Variants in SMIM31 observed in about 807,000 individuals in gnomAD.
The protein encoded by SMIM31 is small integral membrane protein 31, also known as human epithelial cell program regulator.
intron 2 of SMIM31, among the ~76,000 whole-genome samples, chr4:164,799,991 C>A (rs1408824205): frequency 6.6e-6 from 1 of 152,148 alleles, no homozygotes; most frequent in Non-Finnish European, 1.5e-5. Flanking sequence ...CCCAACACAA[C>A]CCCTTTAAAA....
intron 1 of SMIM31, among the ~76,000 whole-genome samples, chr4:164,760,912 A>T (rs1732641227): frequency 6.6e-6 from 1 of 152,158 alleles, no homozygotes; most frequent in Admixed American, 6.5e-5. Flanking sequence ...GAGACAAAGA[A>T]GGAATTCTGT....
At chr4:164,788,650 C>T (rs1733061281) in intron 2 of SMIM31, among the ~76,000 whole-genome samples, 1 of 151,114 alleles carries the variant, frequency 6.6e-6, no homozygotes, top group Middle Eastern at 3.2e-3. Context: ...CCACCACGCC[C>T]GGCTAATTTT....
chr4:164,758,188 G>A (rs13104278), intron 1 of SMIM31, among the ~76,000 whole-genome samples: 17,006 of 151,752 alleles, frequency 0.11, 1,484 homozygotes, highest in East Asian at 0.41. Context: ...AATTATTGAG[G>A]CCAATATATA....
At chr4:164,787,721 A>T (rs372983169) in intron 2 of SMIM31, among the ~76,000 whole-genome samples, 25 of 152,226 alleles carry the variant, frequency 1.6e-4, no homozygotes, top group African/African-American at 3.8e-4. Context: ...CTTTGAAAAA[A>T]ATGTGTTTTA....
intron 1 of SMIM31, among the ~76,000 whole-genome samples, chr4:164,767,262 A>C (rs149938393): frequency 1.5e-3 from 227 of 152,314 alleles, no homozygotes; most frequent in African/African-American, 5.2e-3. Context: ...TCTGAATTTA[A>C]TCTGTTTCCT....
At chr4:164,794,807 AAAT>A (rs1304679127) in intron 2 of SMIM31, among the ~76,000 whole-genome samples, 4 of 151,784 alleles carry the variant, frequency 2.6e-5, no homozygotes, top group East Asian at 1.9e-4. Flanking sequence ...CCGTCTCAAA[AAAT>A]AATAATAATA....
At chr4:164,779,793 A>G (rs1732923720) in intron 2 of SMIM31, among the ~76,000 whole-genome samples, 1 of 152,242 alleles carries the variant, frequency 6.6e-6, no homozygotes, top group African/African-American at 2.4e-5. Context: ...AGGGATATAG[A>G]GGAATCAATA....
chr4:164,770,267 T>C (rs1362614932), intron 1 of SMIM31, among the ~76,000 whole-genome samples, 152 bp from the exon 2 acceptor site: 2 of 152,250 alleles, frequency 1.3e-5, no homozygotes, highest in African/African-American at 4.8e-5. Flanking sequence ...CAGTCCATTC[T>C]TGCCACTGCC....
intron 1 of SMIM31, among the ~76,000 whole-genome samples, chr4:164,755,878 T>C (rs956177320): frequency 3.3e-5 from 5 of 152,214 alleles, no homozygotes; most frequent in East Asian, 1.9e-4. Context: ...TAGAGAAAAA[T>C]TGAAATAATT....
At chr4:164,798,243 A>T (rs200186188) in intron 2 of SMIM31, among the ~76,000 whole-genome samples, 1,759 of 105,138 alleles carry the variant, frequency 0.017, 23 homozygotes, top group African/African-American at 0.054. Context: ...TTTTTTTTTT[A>T]TTTTTTTTGA....
intron 2 of SMIM31, among the ~76,000 whole-genome samples, chr4:164,778,853 T>C (rs1732911179): frequency 6.6e-6 from 1 of 152,148 alleles, no homozygotes; most frequent in African/African-American, 2.4e-5. Flanking sequence ...CATATCTAAA[T>C]TCAGGTATCC....
At chr4:164,763,469 T>G (rs1456069529) in intron 1 of SMIM31, among the ~76,000 whole-genome samples, 1 of 152,090 alleles carries the variant, frequency 6.6e-6, no homozygotes, top group Non-Finnish European at 1.5e-5. Context: ...CAAATAGAAA[T>G]TCAGGCTAAA....
intron 2 of SMIM31, among the ~76,000 whole-genome samples, chr4:164,798,538 G>C (rs1020056368): frequency 2.6e-5 from 4 of 152,066 alleles, no homozygotes; most frequent in African/African-American, 9.7e-5. Context: ...ACCACACCTG[G>C]CCTGATATAA....
At chr4:164,785,435 C>G (rs190982391) in intron 2 of SMIM31, among the ~76,000 whole-genome samples, 97 of 152,006 alleles carry the variant, frequency 6.4e-4, no homozygotes, top group Non-Finnish European at 7.5e-4. Flanking sequence ...ATTCAATCTC[C>G]TGCTCTATAT....
At chr4:164,780,710 A>T (rs2110944691) in intron 2 of SMIM31, among the ~76,000 whole-genome samples, 1 of 152,374 alleles carries the variant, frequency 6.6e-6, no homozygotes, top group South Asian at 2.1e-4. Flanking sequence ...AAATTCTAAA[A>T]TTCTAAAAAT....
intron 2 of SMIM31, among the ~76,000 whole-genome samples, chr4:164,783,561 C>A (rs549358599): frequency 7.2e-6 from 1 of 137,954 alleles, no homozygotes; most frequent in Non-Finnish European, 1.5e-5. Flanking sequence ...AATTTCCATT[C>A]CATTTCTAAA....
At chr4:164,781,415 T>C (rs987014335) in intron 2 of SMIM31, among the ~76,000 whole-genome samples, 2 of 152,182 alleles carry the variant, frequency 1.3e-5, no homozygotes, top group African/African-American at 4.8e-5. Context: ...GGTAAATGAA[T>C]AAACAGACTC....
chr4:164,773,569 C>G (rs1732841042), intron 2 of SMIM31, among the ~76,000 whole-genome samples: 1 of 152,176 alleles, frequency 6.6e-6, no homozygotes, highest in African/African-American at 2.4e-5. Context: ...AACTCACTCA[C>G]TATCAGGTGA....
intron 1 of SMIM31, among the ~76,000 whole-genome samples, chr4:164,764,169 C>G (rs1157279118): frequency 6.6e-6 from 1 of 152,182 alleles, no homozygotes; most frequent in Non-Finnish European, 1.5e-5. Context: ...CTGAATTCCT[C>G]TAGTGATGAG....
Sources: allele counts gnomAD v4.1 joint callset (sites outside exome capture counted in the v4.1 genomes callset), GRCh38; gene constraint gnomAD v4.1.1; transcripts MANE v1.5; gene names NCBI Gene and HGNC (gene_info 2026-07-23, HGNC 2026-07-21).